PPP3R1: variants seen among roughly 807,000 people sequenced by gnomAD.
The protein encoded by PPP3R1 is calcineurin subunit B type 1.
Under a neutral mutation model 22.6 loss-of-function variants are expected in PPP3R1, and 5 were observed. That is an observed-to-expected ratio of 0.22 (90% CI 0.12 to 0.46). The LOEUF (loss-of-function observed/expected upper bound fraction) is 0.46, where lower values mean the gene tolerates loss of function less well. Among genes scored for constraint, PPP3R1 ranks in the 20% least tolerant of loss-of-function variants. The pLI, the probability that PPP3R1 is intolerant of heterozygous loss-of-function variation, is 0.99. For missense variants in PPP3R1, 61 were observed against 203.2 expected, an observed-to-expected ratio of 0.30 and a Z score of 4.25; for synonymous variants, 56 against 65.2, an observed-to-expected ratio of 0.86 and a Z score of 0.68.
At chr2:68,191,137 ACAGT>A (rs771219318) in intron 2 of PPP3R1, among the ~76,000 whole-genome samples, 3 of 152,230 alleles carry the variant, frequency 2.0e-5, no homozygotes, top group Non-Finnish European at 4.4e-5. Context: ...AAATACACAT[ACAGT>A]CAGTCATGAG....
At chr2:68,198,407 ATG>A (rs1553405083) in intron 2 of PPP3R1, among the ~76,000 whole-genome samples, 4 of 109,916 alleles carry the variant, frequency 3.6e-5, no homozygotes, top group Admixed American at 2.9e-4. Context: ...ATATATGTGT[ATG>A]TATATGCATA....
intron 2 of PPP3R1, among the ~76,000 whole-genome samples, chr2:68,206,256 C>T (rs1333428527): frequency 6.6e-6 from 1 of 152,040 alleles, no homozygotes; most frequent in Admixed American, 6.5e-5. Context: ...TAAAGAGAAA[C>T]TTAACAAAGT....
Position 68,252,147 on chromosome 2 carries a change from G to A in PPP3R1, c.-20C>T. 7.2e-7 allele frequency: 1 copy of A among 1,389,476 alleles called. No individual in the cohort carries two copies. The highest frequency in any genetic ancestry group is 9.6e-7 in the Non-Finnish European group (1 of 1,041,042). The allele number at this position is 1,389,476 out of a possible 1,614,324, so 86.1% of individuals were successfully genotyped here. ...CACCATTTTGCTCGGCGGGTCGGCGGCTCGCTGGCTCGCTGGCTCGGAGAA... is the reference window on the plus strand; with the variant it reads ...CACCATTTTGCTCGGCGGGTCGGCGACTCGCTGGCTCGCTGGCTCGGAGAA... On this transcript the variant is annotated 5_prime_UTR_variant, in exon 1 of 6. Transcript: ENST00000234310.
chr2:68,241,986 C>A (rs956084585), intron 1 of PPP3R1, among the ~76,000 whole-genome samples: 1 of 152,160 alleles, frequency 6.6e-6, no homozygotes, highest in African/African-American at 2.4e-5. Flanking sequence ...GTAGCCACTA[C>A]CTACATGTAG....
rs112106057 is a variant in PPP3R1, at chr2:68,193,125, T to C, written c.44-4435A>G. The stretch of plus-strand genomic sequence containing the variant: ...GAAACATTATAAAGTAGTTGATATC[T>C]GCTCTGGATGAGTAGTCAAAACTTT... On this transcript the variant is annotated intron_variant, in intron 2 of 5. Coordinates refer to ENST00000234310, the MANE Select transcript of PPP3R1 (RefSeq NM_000945.4). Among the ~76,000 whole-genome samples the C allele has an allele frequency of 5.3e-4, 81 of 152,322 alleles. 1 individual carries two copies. The highest frequency in any genetic ancestry group is 1.8e-3 in the African/African-American group (75 of 41,594).
intron 2 of PPP3R1, among the ~76,000 whole-genome samples, chr2:68,199,820 A>G (rs1674935309): frequency 6.6e-6 from 1 of 152,164 alleles, no homozygotes; most frequent in African/African-American, 2.4e-5. Flanking sequence ...CTTTTTACAC[A>G]CCACCGAATT....
intron 2 of PPP3R1, among the ~76,000 whole-genome samples, chr2:68,209,202 C>T (rs1669412757): frequency 1.3e-5 from 2 of 148,212 alleles, no homozygotes; most frequent in Non-Finnish European, 3.0e-5. Flanking sequence ...ACTAAAAATA[C>T]AAAAAAATTA....
intron 1 of PPP3R1, chr2:68,250,910 C>A (rs1414297163): frequency 2.0e-5 from 3 of 152,204 alleles, no homozygotes; most frequent in Non-Finnish European, 4.4e-5. Context: ...CTTCAGTAAT[C>A]CACCACGTAC....
chr2:68,210,680 T>C (rs1217797885), intron 2 of PPP3R1, among the ~76,000 whole-genome samples: 2 of 152,124 alleles, frequency 1.3e-5, no homozygotes, highest in Non-Finnish European at 2.9e-5. Context: ...ATGTTAGAAA[T>C]TGTTAGGAGG....
chr2:68,227,889 T>C (rs1669817365), intron 1 of PPP3R1, among the ~76,000 whole-genome samples: 1 of 152,206 alleles, frequency 6.6e-6, no homozygotes, highest in Admixed American at 6.5e-5. Context: ...GAAAATTTTC[T>C]ATGTAGATAG....
chr2:68,206,148 C>T, intron 2 of PPP3R1, among the ~76,000 whole-genome samples: 1 of 152,008 alleles, frequency 6.6e-6, no homozygotes, highest in Non-Finnish European at 1.5e-5. Context: ...CGTGAAAGAA[C>T]AGAGAGAAAC....
At position 68,252,185 on chromosome 2, in the gene PPP3R1, G is replaced by A. The variant is rs1239795619; in HGVS notation, c.-58C>T. The stretch of plus-strand genomic sequence containing the variant: ...CTGGCTCGGAGAAGTGTTGCGCTCA[G>A]GCTGGCTCGCAGGAAACGGCGGCGG... On this transcript the variant is annotated 5_prime_UTR_variant, in exon 1 of 6. Coordinates refer to ENST00000234310, the MANE Select transcript of PPP3R1 (RefSeq NM_000945.4). 7 of 1,319,526 alleles carry A rather than the reference G, an allele frequency of 5.3e-6. No homozygotes were observed. Among genetic ancestry groups the A allele is most frequent in the South Asian group, 1.8e-5 (1 of 55,282 alleles). The allele number at this position is 1,319,526 out of a possible 1,614,324, so 81.7% of individuals were successfully genotyped here.
intron 1 of PPP3R1, among the ~76,000 whole-genome samples, chr2:68,227,918 G>A (rs1249902230): frequency 6.6e-6 from 1 of 151,968 alleles, no homozygotes; most frequent in Admixed American, 6.6e-5. Flanking sequence ...TCTGCAAACG[G>A]GATCCGTTTT....
At position 68,182,324 on chromosome 2, in the gene PPP3R1, T is replaced by C. The variant is rs539570934; in HGVS notation, c.466-1314A>G. Among the ~76,000 whole-genome samples the C allele has an allele frequency of 3.1e-4, 47 of 152,274 alleles. No individual in the cohort carries two copies. The South Asian group carries it at 8.3e-3, about 27-fold the overall frequency. On this transcript the variant is annotated intron_variant, in intron 5 of 5. Coordinates refer to ENST00000234310, the MANE Select transcript of PPP3R1 (RefSeq NM_000945.4). Reference sequence around the variant, plus strand: ...CTCCTGCTGTGGGAAAAAAAGCAGTTTGTCACCCTGCCCTCATTCTCTATT... The same window carrying C: ...CTCCTGCTGTGGGAAAAAAAGCAGTCTGTCACCCTGCCCTCATTCTCTATT...
intron 2 of PPP3R1, among the ~76,000 whole-genome samples, chr2:68,215,433 G>T (rs1034986051): frequency 2.3e-4 from 35 of 152,076 alleles, no homozygotes; most frequent in African/African-American, 8.5e-4. Flanking sequence ...AAATTTGAAA[G>T]CTTCGGGCTC....
chr2:68,198,267 ATATG>A (rs1674852122), intron 2 of PPP3R1, among the ~76,000 whole-genome samples: 1 of 141,806 alleles, frequency 7.1e-6, no homozygotes, highest in African/African-American at 2.6e-5. Context: ...GTATACATAC[ATATG>A]TGTATGCATG....
chr2:68,179,341 G>T lies in PPP3R1; in HGVS notation c.*1622C>A, dbSNP rs1449966386. 1 of 152,284 alleles carries T rather than the reference G, an allele frequency of 6.6e-6. No homozygotes were observed. Among genetic ancestry groups the T allele is most frequent in the Non-Finnish European group, 1.5e-5 (1 of 68,034 alleles). The allele number at this position is 152,284 out of a possible 1,614,324, so 9.4% of individuals were successfully genotyped here. Reference sequence around the variant, plus strand: ...TGGCAACATTATCTTTTAAAATTATGCAAATTATGTAAACAAGAGGTACAT... The same window carrying T: ...TGGCAACATTATCTTTTAAAATTATTCAAATTATGTAAACAAGAGGTACAT... On this transcript the variant is annotated 3_prime_UTR_variant, in exon 6 of 6. Coordinates refer to ENST00000234310, the MANE Select transcript of PPP3R1 (RefSeq NM_000945.4).
At chr2:68,249,718 T>G (rs954964852) in intron 1 of PPP3R1, among the ~76,000 whole-genome samples, 2 of 151,572 alleles carry the variant, frequency 1.3e-5, no homozygotes, top group Non-Finnish European at 2.9e-5. Context: ...GGGAAAGACT[T>G]TAACTTTCAG....
chr2:68,229,862 GTGTGTGTGTGTGTA>G (rs1183381033), intron 1 of PPP3R1, among the ~76,000 whole-genome samples: 1 of 151,714 alleles, frequency 6.6e-6, no homozygotes, highest in African/African-American at 2.4e-5. Context: ...TAATTGGTGT[GTGTGTGTGTGTGTA>G]TGTATGTGTG....
Sources: allele counts gnomAD v4.1 joint callset (sites outside exome capture counted in the v4.1 genomes callset), GRCh38; gene constraint gnomAD v4.1.1; transcripts MANE v1.5; gene names NCBI Gene and HGNC (gene_info 2026-07-23, HGNC 2026-07-21).